The following SAMSN1 variants were observed in gnomAD, a reference collection of about 807,000 sequenced individuals.
The protein encoded by SAMSN1 is SAM domain-containing protein SAMSN-1.
A neutral mutation model predicts 42.0 loss-of-function variants in SAMSN1; 31 were observed. The observed-to-expected ratio is 0.74, with a 90% CI of 0.55 to 1.00. The LOEUF (loss-of-function observed/expected upper bound fraction) is 1.00, where lower values mean the gene tolerates loss of function less well. Among genes scored for constraint, SAMSN1 ranks in the 50% least tolerant of loss-of-function variants. SAMSN1 has a pLI of 0.00. For synonymous variants in SAMSN1, 178 were observed against 151.9 expected, an observed-to-expected ratio of 1.17 and a Z score of -1.26; for missense variants, 464 against 439.4, an observed-to-expected ratio of 1.06 and a Z score of -0.50.
intron 1 of SAMSN1, among the ~76,000 whole-genome samples, chr21:14,655,763 G>A (rs1983905331): frequency 6.6e-6 from 1 of 151,724 alleles, no homozygotes; most frequent in African/African-American, 2.4e-5. Context: ...ATTCCTACTT[G>A]TCAATATTAT....
At chr21:14,498,996 A>C (rs1460066794) in intron 6 of SAMSN1, among the ~76,000 whole-genome samples, 1 of 152,222 alleles carries the variant, frequency 6.6e-6, no homozygotes, top group East Asian at 1.9e-4. Flanking sequence ...CAGAATCTAC[A>C]TCTCTTCTTG....
chr21:14,596,173 T>C (rs184469505), intron 6 of SAMSN1, among the ~76,000 whole-genome samples: 4 of 152,282 alleles, frequency 2.6e-5, no homozygotes, highest in Admixed American at 6.5e-5. Context: ...GAATCCAATA[T>C]GATCTTAATT....
chr21:14,598,312 C>G (rs145226558), intron 6 of SAMSN1: 166 of 152,046 alleles, frequency 1.1e-3, no homozygotes, highest in African/African-American at 3.9e-3. Flanking sequence ...ATATATTAGC[C>G]CAAAGTCTGT....
chr21:14,515,764 C>T (rs1171536305), intron 3 of SAMSN1, among the ~76,000 whole-genome samples: 1 of 151,998 alleles, frequency 6.6e-6, no homozygotes, highest in Non-Finnish European at 1.5e-5. Flanking sequence ...AAACTTGCAT[C>T]CAGAATATAT....
chr21:14,625,213 G>A (rs192657156), intron 2 of SAMSN1, among the ~76,000 whole-genome samples: 26 of 152,166 alleles, frequency 1.7e-4, no homozygotes, highest in Admixed American at 3.3e-4. Flanking sequence ...TTTGAAAACT[G>A]GCACAAGACA....
intron 2 of SAMSN1, among the ~76,000 whole-genome samples, chr21:14,634,586 A>G (rs533840552): frequency 6.6e-6 from 1 of 152,360 alleles, no homozygotes; most frequent in South Asian, 2.1e-4. Flanking sequence ...ACTGATCATT[A>G]GAGAAATGCA....
intron 5 of SAMSN1, chr21:14,609,345 A>C: frequency 3.2e-6 from 2 of 622,046 alleles, no homozygotes; most frequent in South Asian, 3.9e-5. Flanking sequence ...ATTCTATTCT[A>C]TCTTATTTGG....
rs531664757 is a variant in SAMSN1, at chr21:14,658,667, T to C, written c.24+81A>G. 3.1e-4 allele frequency: 220 copies of C among 706,026 alleles called. 2 individuals are homozygous for C. The highest frequency in any genetic ancestry group is 2.4e-3 in the South Asian group (158 of 66,404). 43.7% of individuals were successfully genotyped at this position (706,026 alleles called of 1,614,324 possible). Reference sequence around the variant, plus strand: ...GTATGAATATCATCACATAAGAAGTTTAGAATATATCCTAATTTCATTCCT... The same window carrying C: ...GTATGAATATCATCACATAAGAAGTCTAGAATATATCCTAATTTCATTCCT... On this transcript the variant is annotated intron_variant, in intron 1 of 15. Transcript: ENST00000647101.
upstream of SAMSN1, among the ~76,000 whole-genome samples, chr21:14,548,760 T>C (rs936072912): frequency 5.9e-5 from 9 of 151,800 alleles, no homozygotes; most frequent in Admixed American, 5.9e-4. Flanking sequence ...TTTTATCAAT[T>C]ATCTACTATT....
chr21:14,548,915 GC>G (rs1463789304), upstream of SAMSN1, among the ~76,000 whole-genome samples: 6 of 152,068 alleles, frequency 3.9e-5, no homozygotes, highest in African/African-American at 9.7e-5. Flanking sequence ...TAAACCACTA[GC>G]AACCCTGTTG....
chr21:14,560,414 C>T (rs1226871650), intron 2 of SAMSN1, among the ~76,000 whole-genome samples: 1 of 152,074 alleles, frequency 6.6e-6, no homozygotes, highest in East Asian at 1.9e-4. Context: ...GTAGGCCAAG[C>T]TAACTTTAGG....
At chr21:14,647,999 C>T (rs894419590) in intron 1 of SAMSN1, among the ~76,000 whole-genome samples, 3 of 149,850 alleles carry the variant, frequency 2.0e-5, no homozygotes, top group African/African-American at 7.4e-5. Flanking sequence ...GCCTAATTGC[C>T]CTGGCCAGAA....
intron 1 of SAMSN1, among the ~76,000 whole-genome samples, chr21:14,533,390 A>C (rs764844975): frequency 7.2e-5 from 11 of 152,222 alleles, no homozygotes; most frequent in Non-Finnish European, 1.3e-4. Context: ...TTACTCCAGG[A>C]GTTTAAGCTG....
chr21:14,622,950 A>T (rs957750403), intron 2 of SAMSN1, among the ~76,000 whole-genome samples: 2 of 152,254 alleles, frequency 1.3e-5, no homozygotes, highest in Non-Finnish European at 2.9e-5. Context: ...GCCAGAAGAG[A>T]GTGGGGGCCA....
chr21:14,648,208 C>G (rs1600983674), intron 1 of SAMSN1, among the ~76,000 whole-genome samples: 1 of 152,144 alleles, frequency 6.6e-6, no homozygotes, highest in African/African-American at 2.4e-5. Context: ...GGAAAACTGG[C>G]TAGCCATATG....
In SAMSN1 at chr21:14,500,598, C is replaced by G. The variant is rs759267722; in HGVS notation, c.699G>C (p.Lys233Asn). Residue 233 changes from lysine to asparagine, a missense_variant, in exon 6 of 8, where the codon AAG becomes AAC. Coordinates refer to ENST00000400566, the MANE Select transcript of SAMSN1 (RefSeq NM_022136.5). ...TTTTGCTGTTACTCCTTCGGTTTGC[C>G]TTTATTTTCTTGGGGGCTGCTTCCT... ...SEEEAAPKKI[K>N]ANRRSNSKKS... is the part of the protein sequence containing the mutation. The G allele has an allele frequency of 6.2e-7, 1 of 1,613,998 alleles. No individual in the cohort carries two copies. Among genetic ancestry groups the G allele is most frequent in the East Asian group, 2.2e-5 (1 of 44,886 alleles).
chr21:14,587,101 T>G (rs1425064700), upstream of SAMSN1, among the ~76,000 whole-genome samples: 1 of 152,210 alleles, frequency 6.6e-6, no homozygotes, highest in Non-Finnish European at 1.5e-5. Context: ...CTTCTCTCTC[T>G]ACTGAATTTT....
At chr21:14,614,739 A>G (rs1385948957) in intron 3 of SAMSN1, among the ~76,000 whole-genome samples, 1 of 152,230 alleles carries the variant, frequency 6.6e-6, no homozygotes, top group African/African-American at 2.4e-5. Context: ...ATTCCAAACA[A>G]ATAAAGCTGT....
chr21:14,546,161 TTAAA>T (rs765538071), intron 1 of SAMSN1, 40 bp downstream of exon 1: 1 of 1,523,152 alleles, frequency 6.6e-7, no homozygotes, highest in Admixed American at 1.7e-5. Context: ...TTATTTTCTA[TTAAA>T]TAGTTTGATT....
Sources: gnomAD v4.1 joint callset for allele counts (sites outside exome capture counted in the v4.1 genomes callset) on GRCh38, gnomAD v4.1.1 for gene constraint, MANE v1.5 for transcripts, NCBI Gene and HGNC (gene_info 2026-07-23, HGNC 2026-07-21) for gene names.